Variants in GAB1 observed in about 807,000 individuals in gnomAD.
GAB1 encodes GRB2-associated-binding protein 1.
In GAB1, 19 loss-of-function variants were observed where a neutral mutation model predicts 66.5. The observed-to-expected ratio is 0.29, with a 90% CI of 0.20 to 0.42. The LOEUF is 0.42. GAB1 is among the 10% of genes least tolerant of loss of function. The pLI, the probability that GAB1 is intolerant of heterozygous loss-of-function variation, is 1.00. For missense variants in GAB1, 732 were observed against 858.5 expected (o/e 0.85, Z 1.84); for synonymous variants, 294 against 301.4 (o/e 0.98, Z 0.25).
At chr4:143,441,195 C>G (rs1336291343) in intron 6 of GAB1, among the ~76,000 whole-genome samples, 1 of 152,022 alleles carries the variant, frequency 6.6e-6, no homozygotes, top group African/African-American at 2.4e-5. Flanking sequence ...TAATGCCTAC[C>G]CAGGTTTTTT....
chr4:143,362,390 G>A (rs2149658044), intron 1 of GAB1, among the ~76,000 whole-genome samples: 1 of 152,272 alleles, frequency 6.6e-6, no homozygotes, highest in Middle Eastern at 3.4e-3. Context: ...GGAGTAAAGT[G>A]AAAGCAAGTT....
chr4:143,373,324 T>G (rs1165930995), intron 1 of GAB1, among the ~76,000 whole-genome samples: 2 of 152,202 alleles, frequency 1.3e-5, no homozygotes, highest in African/African-American at 4.8e-5. Context: ...TATAATTGTT[T>G]AATTAAAAAA....
chr4:143,419,480 G>A (rs1732897393), intron 2 of GAB1, among the ~76,000 whole-genome samples: 1 of 152,052 alleles, frequency 6.6e-6, no homozygotes, highest in South Asian at 2.1e-4. Flanking sequence ...CTTGACTTGT[G>A]AACTTTTCAT....
intron 8 of GAB1, 86 bp downstream of exon 8, chr4:143,460,573 C>A: frequency 8.1e-7 from 1 of 1,233,176 alleles, no homozygotes; most frequent in Non-Finnish European, 1.1e-6. Flanking sequence ...ATTTTATCCT[C>A]GTATCTTTAT....
intron 9 of GAB1, 84 bp from the exon 10 acceptor site, chr4:143,468,947 G>A: frequency 7.2e-7 from 1 of 1,393,850 alleles, no homozygotes; most frequent in Non-Finnish European, 9.9e-7. Flanking sequence ...ATTCACAGTG[G>A]ATGTGTTTTG....
At chr4:143,395,108 A>G (rs1334526770) in intron 1 of GAB1, 1 of 152,244 alleles carries the variant, frequency 6.6e-6, no homozygotes, top group Non-Finnish European at 1.5e-5. Context: ...TGAGAGTGTT[A>G]TAACAGTTCC....
chr4:143,392,258 G>T (rs903606811), intron 1 of GAB1, among the ~76,000 whole-genome samples: 3 of 152,080 alleles, frequency 2.0e-5, no homozygotes, highest in Admixed American at 6.5e-5. Flanking sequence ...CCACAAAAAT[G>T]GTAAAAATAA....
chr4:143,403,376 AG>A (rs1731873571), intron 1 of GAB1, among the ~76,000 whole-genome samples: 1 of 152,178 alleles, frequency 6.6e-6, no homozygotes, highest in Admixed American at 6.5e-5. Context: ...TGTTGACCGA[AG>A]GTTATGAGGC....
intron 1 of GAB1, among the ~76,000 whole-genome samples, chr4:143,361,190 C>G (rs1729650649): frequency 6.6e-6 from 1 of 152,044 alleles, no homozygotes; most frequent in South Asian, 2.1e-4. Context: ...ACTGTGGATG[C>G]ATTTTAGGGT....
chr4:143,361,024 G>C (rs1433421931), intron 1 of GAB1, among the ~76,000 whole-genome samples: 7 of 152,064 alleles, frequency 4.6e-5, no homozygotes, highest in Non-Finnish European at 8.8e-5. Flanking sequence ...CTAACATAAA[G>C]TGCTGCTACT....
chr4:143,388,634 C>T (rs28989232), intron 1 of GAB1, among the ~76,000 whole-genome samples: 61 of 152,148 alleles, frequency 4.0e-4, no homozygotes, highest in African/African-American at 1.3e-3. Flanking sequence ...AGGCTGGTCT[C>T]GAACTCCCGA....
intron 1 of GAB1, among the ~76,000 whole-genome samples, chr4:143,366,373 GAACA>G (rs940849901): frequency 1.3e-4 from 20 of 151,890 alleles, no homozygotes; most frequent in African/African-American, 4.6e-4. Context: ...AAAAACCCAG[GAACA>G]AACCATTTAA....
Position 143,440,063 on chromosome 4 carries a change from T to C in GAB1, c.1282-16T>C, listed in dbSNP as rs1302333907. On this transcript the variant is annotated splice_polypyrimidine_tract_variant and intron_variant, in intron 5 of 9. Transcript: ENST00000262994. The stretch of plus-strand genomic sequence containing the variant: ...AAGAGTTTTTGTTTATTAAAAGAAA[T>C]ATATATGTGTTTTAGAAAGTCAAAA... 1.3e-6 allele frequency: 2 copies of C among 1,598,722 alleles called. No homozygotes were observed.
At position 143,455,598 on chromosome 4, in the gene GAB1, T is replaced by C. The variant is rs2149785631; in HGVS notation, c.1586-3787T>C. On this transcript the variant is annotated intron_variant, in intron 6 of 9. Coordinates refer to ENST00000262994, the MANE Select transcript of GAB1 (RefSeq NM_002039.4). ...GTCAAGAGCAGCAAACCAAAAGAAG[T>C]TCTAAGAGCATTTTGTAATTAAACC... Among the ~76,000 whole-genome samples the C allele has an allele frequency of 2.0e-5, 3 of 152,198 alleles. No individual in the cohort carries two copies. The South Asian group carries it at 6.2e-4, about 32-fold the overall frequency.
intron 1 of GAB1, among the ~76,000 whole-genome samples, chr4:143,339,935 A>C (rs927382221): frequency 6.6e-6 from 1 of 152,194 alleles, no homozygotes; most frequent in Non-Finnish European, 1.5e-5. Flanking sequence ...CCACGAATAA[A>C]GTAGATGGAG....
chr4:143,376,087 C>T (rs1345714611), intron 1 of GAB1, among the ~76,000 whole-genome samples: 1 of 151,968 alleles, frequency 6.6e-6, no homozygotes, highest in Non-Finnish European at 1.5e-5. Context: ...ACTCCTCGCC[C>T]CACACCAGCG....
intron 1 of GAB1, among the ~76,000 whole-genome samples, chr4:143,374,581 T>G (rs1276022030): frequency 6.6e-6 from 1 of 152,192 alleles, no homozygotes; most frequent in African/African-American, 2.4e-5. Flanking sequence ...TAGCTGACTT[T>G]TAGTTGACTA....
chr4:143,356,056 C>A, intron 1 of GAB1, among the ~76,000 whole-genome samples: 1 of 151,974 alleles, frequency 6.6e-6, no homozygotes, highest in Admixed American at 6.6e-5. Flanking sequence ...AAGAAACAAG[C>A]CAATGCCTTT....
intron 1 of GAB1, among the ~76,000 whole-genome samples, chr4:143,338,681 T>G (rs1294524912): frequency 6.8e-6 from 1 of 148,106 alleles, no homozygotes. Context: ...GCAGTGTTTT[T>G]TTTTCCAGCT....
Sources: gnomAD v4.1 joint callset for allele counts (sites outside exome capture counted in the v4.1 genomes callset) on GRCh38, gnomAD v4.1.1 for gene constraint, MANE v1.5 for transcripts, NCBI Gene and HGNC (gene_info 2026-07-23, HGNC 2026-07-21) for gene names.